The following ZNF521 variants were observed in gnomAD, a reference collection of about 807,000 sequenced individuals.
ZNF521 encodes zinc finger protein 521.
A neutral mutation model predicts 105.5 loss-of-function variants in ZNF521; 14 were observed. The observed-to-expected ratio is 0.13, with a 90% CI of 0.09 to 0.21. ZNF521 has a LOEUF of 0.21. Ranked by LOEUF, ZNF521 falls within the 10% of genes least tolerant of loss-of-function variation. ZNF521 has a pLI of 1.00. For missense variants in ZNF521, 1,233 were observed against 1,629.7 expected (o/e 0.76, Z 4.19); for synonymous variants, 635 against 606.0 (o/e 1.05, Z -0.70).
chr18:25,338,964 A>G (rs9960969), intron 2 of ZNF521, among the ~76,000 whole-genome samples: 1,610 of 152,368 alleles, frequency 0.011, 33 homozygotes, highest in African/African-American at 0.033. Context: ...GGATTAAAAC[A>G]AACCCAGATA....
intron 3 of ZNF521, among the ~76,000 whole-genome samples, chr18:25,256,053 A>G (rs1194812598): frequency 1.3e-5 from 2 of 148,726 alleles, no homozygotes; most frequent in Admixed American, 6.8e-5. Flanking sequence ...ATATATATAT[A>G]TGTAAAATGG....
intron 3 of ZNF521, among the ~76,000 whole-genome samples, chr18:25,254,498 G>A (rs1600218537): frequency 6.6e-6 from 1 of 152,102 alleles, no homozygotes. Flanking sequence ...AATCAATTAA[G>A]TTTCTTCTTT....
At chr18:25,256,010 ATATATATATGG>A (rs796580178) in intron 3 of ZNF521, among the ~76,000 whole-genome samples, 74 of 147,804 alleles carry the variant, frequency 5.0e-4, no homozygotes, top group Middle Eastern at 7.1e-3. Flanking sequence ...TATATATATG[ATATATATATGG>A]TATATATATG....
At chr18:25,313,426 CTTGTCACCTACCATATGAA>C (rs1284052792) in intron 3 of ZNF521, among the ~76,000 whole-genome samples, 1 of 152,000 alleles carries the variant, frequency 6.6e-6, no homozygotes, top group East Asian at 1.9e-4. Context: ...GTAAAAGCTC[CTTGTCACCTACCATATGAA>C]AGGGAAAGGG....
At chr18:25,320,868 G>C (rs1383051096) in intron 3 of ZNF521, among the ~76,000 whole-genome samples, 1 of 152,158 alleles carries the variant, frequency 6.6e-6, no homozygotes, top group East Asian at 1.9e-4. Context: ...CTGAAAGGAA[G>C]ATGATTCTGG....
chr18:25,292,944 A>G (rs1277046500), intron 3 of ZNF521, among the ~76,000 whole-genome samples: 1 of 152,186 alleles, frequency 6.6e-6, no homozygotes, highest in East Asian at 1.9e-4. Flanking sequence ...TGCTCTCCTC[A>G]TACTGTAGGA....
rs1448491482 is a variant in ZNF521, at chr18:25,132,628, C to A, written c.3659-40547G>T. On this transcript the variant is annotated intron_variant, in intron 5 of 7. Coordinates refer to ENST00000361524, the MANE Select transcript of ZNF521 (RefSeq NM_015461.3). ...CTTTTAAATTTAAAAGCCTAATGAA[C>A]CCAGATTTTAAAAAGTAGCTAATAT... Among the ~76,000 whole-genome samples the A allele has an allele frequency of 2.0e-5, 3 of 152,040 alleles. No homozygotes were observed. The East Asian group carries it at 5.8e-4, about 29-fold the overall frequency.
At chr18:25,114,682 C>T (rs550839027) in intron 5 of ZNF521, among the ~76,000 whole-genome samples, 1 of 152,204 alleles carries the variant, frequency 6.6e-6, no homozygotes, top group East Asian at 1.9e-4. Context: ...AAACACCTAC[C>T]ACACAAATAC....
chr18:25,157,019 C>T (rs938235688), intron 5 of ZNF521, among the ~76,000 whole-genome samples: 2 of 151,834 alleles, frequency 1.3e-5, no homozygotes, highest in East Asian at 1.9e-4. Flanking sequence ...GCCAACATGA[C>T]GAAAACCTGT....
chr18:25,193,086 GGTAA>G (rs1181947880), intron 5 of ZNF521, among the ~76,000 whole-genome samples: 1 of 152,040 alleles, frequency 6.6e-6, no homozygotes, highest in Non-Finnish European at 1.5e-5. Flanking sequence ...GGTCCCAAGA[GGTAA>G]GTGTCTTATT....
At chr18:25,287,246 G>A (rs1186713130) in intron 3 of ZNF521, among the ~76,000 whole-genome samples, 1 of 152,166 alleles carries the variant, frequency 6.6e-6, no homozygotes, top group African/African-American at 2.4e-5. Flanking sequence ...ACATGCAACT[G>A]AGGAGAGAGC....
intron 5 of ZNF521, among the ~76,000 whole-genome samples, chr18:25,134,515 C>G (rs1447610861): frequency 1.3e-5 from 2 of 152,138 alleles, no homozygotes; most frequent in Admixed American, 1.3e-4. Flanking sequence ...TCTGCTTACT[C>G]TGCCTTCTAC....
At position 25,190,283 on chromosome 18, in the gene ZNF521, A is replaced by G. The variant is rs567298049; in HGVS notation, c.3658+4877T>C. Among the ~76,000 whole-genome samples the G allele has an allele frequency of 7.9e-5, 12 of 152,266 alleles. No individual in the cohort carries two copies. In the South Asian group the frequency reaches 1.9e-3, roughly 24 times the overall value. The stretch of plus-strand genomic sequence containing the variant: ...TAAAAAAGGGTTCAGTCATCTTCTC[A>G]TTTAGAATGAATGTAAATCAAGGTT... On this transcript the variant is annotated intron_variant, in intron 5 of 7. Transcript: ENST00000361524.
chr18:25,142,196 C>A (rs187770015), intron 5 of ZNF521, among the ~76,000 whole-genome samples: 1 of 152,046 alleles, frequency 6.6e-6, no homozygotes, highest in Non-Finnish European at 1.5e-5. Flanking sequence ...TCAAATAAAC[C>A]AGACTGACAC....
intron 3 of ZNF521, among the ~76,000 whole-genome samples, chr18:25,249,653 G>A (rs944883529): frequency 2.0e-5 from 3 of 151,970 alleles, no homozygotes; most frequent in Non-Finnish European, 2.9e-5. Context: ...GTAGAGATGG[G>A]GTTTTGCCAT....
In ZNF521 at chr18:25,148,311, A is replaced by G. The variant is rs141648411; in HGVS notation, c.3658+46849T>C. ...CCATTCTTAGTTATCCTGATTGAGT[A>G]TAGATACGAGGCTCACCAGAGGATG... On this transcript the variant is annotated intron_variant, in intron 5 of 7. Transcript: ENST00000361524. 2.8e-3 allele frequency among the ~76,000 whole-genome samples: 421 copies of G among 152,332 alleles called. 2 individuals are homozygous for G. The highest frequency in any genetic ancestry group is 9.6e-3 in the African/African-American group (398 of 41,578).
intron 5 of ZNF521, among the ~76,000 whole-genome samples, chr18:25,104,252 T>C (rs1181555705): frequency 6.6e-6 from 1 of 152,198 alleles, no homozygotes; most frequent in Non-Finnish European, 1.5e-5. Context: ...ACTATGTCAA[T>C]ATAAAGGCTG....
At chr18:25,220,878 G>A (rs1173519598) in intron 4 of ZNF521, among the ~76,000 whole-genome samples, 4 of 152,178 alleles carry the variant, frequency 2.6e-5, no homozygotes, top group Non-Finnish European at 4.4e-5. Context: ...AGTAGACAGT[G>A]CCCATGAACT....
intron 5 of ZNF521, among the ~76,000 whole-genome samples, chr18:25,159,343 C>T (rs1356852399): frequency 6.6e-6 from 1 of 152,008 alleles, no homozygotes; most frequent in African/African-American, 2.4e-5. Context: ...TTGGATAACC[C>T]CAGCATCCAG....
Sources: gnomAD v4.1 joint callset for allele counts (sites outside exome capture counted in the v4.1 genomes callset) on GRCh38, gnomAD v4.1.1 for gene constraint, MANE v1.5 for transcripts, NCBI Gene and HGNC (gene_info 2026-07-23, HGNC 2026-07-21) for gene names.